Variants in PROM1 observed in about 807,000 individuals in gnomAD.
PROM1 encodes the protein prominin 1.
A neutral mutation model predicts 116.9 loss-of-function variants in PROM1; 105 were observed. The ratio of observed to expected loss-of-function variants is 0.90; its 90% CI spans 0.77 to 1.06. The LOEUF is 1.06. PROM1 is among the 50% of genes least tolerant of loss of function. PROM1 has a pLI of 0.00. For missense variants in PROM1, 1,122 were observed against 1,045.2 expected, an observed-to-expected ratio of 1.07 and a Z score of -1.01; for synonymous variants, 393 against 387.0, an observed-to-expected ratio of 1.02 and a Z score of -0.18.
intron 5 of PROM1, among the ~76,000 whole-genome samples, chr4:16,031,418 T>C (rs913261027): frequency 1.3e-5 from 2 of 151,982 alleles, no homozygotes; most frequent in African/African-American, 4.8e-5. Context: ...TTCTGGTAGC[T>C]GAAAAAGAGG....
intron 3 of PROM1, among the ~76,000 whole-genome samples, chr4:16,036,293 C>A (rs1307080847): frequency 6.6e-6 from 1 of 152,136 alleles, no homozygotes; most frequent in African/African-American, 2.4e-5. Context: ...GGCTCTATGT[C>A]ATTTTCTAGA....
In PROM1 at chr4:16,075,772, G is replaced by A. The variant is rs1308033392; in HGVS notation, c.135C>T (p.Asp45=). 1.2e-6 allele frequency: 2 copies of A among 1,613,732 alleles called. No homozygotes were observed. The highest frequency in any genetic ancestry group is 3.3e-5 in the Admixed American group (2 of 59,988). The stretch of plus-strand genomic sequence containing the variant: ...TGCCAATGGGTCCAGCTTTATGGGA[G>A]TCTTGGGTCTCATAATTTGTTGCAG... ...ELPATNYETQ[D]SHKAGPIGIL... The change falls in exon 2 of 28, where the codon GAC becomes GAT. Residue 45 remains aspartate (D), a synonymous_variant. Transcript: ENST00000447510.
chr4:16,039,121 A>C (rs1734604578), intron 2 of PROM1, 120 bp from the exon 3 acceptor site: 1 of 801,382 alleles, frequency 1.2e-6, no homozygotes, highest in Admixed American at 4.4e-5. Flanking sequence ...TTATTCTTAT[A>C]ATTTTATTCT....
rs1475001974 is a variant in PROM1, at chr4:15,968,276, A to G, written c.*1117T>C. ...CAAATGAATCAGAACTGCAATCTGC[A>G]CATGAAAAGACCTGGGGGGAATGCC... On this transcript the variant is annotated 3_prime_UTR_variant, in exon 28 of 28. Transcript: ENST00000447510. 1.3e-5 allele frequency: 2 copies of G among 152,262 alleles called. No homozygotes were observed. The highest frequency in any genetic ancestry group is 2.9e-5 in the Non-Finnish European group (2 of 68,046). 9.4% of individuals were successfully genotyped at this position (152,262 alleles called of 1,614,324 possible).
intron 16 of PROM1, among the ~76,000 whole-genome samples, chr4:15,993,269 A>G (rs1385523912): frequency 6.6e-6 from 1 of 152,168 alleles, no homozygotes; most frequent in Non-Finnish European, 1.5e-5. Flanking sequence ...CTCATTCTGG[A>G]AACCCAAAAG....
intron 3 of PROM1, among the ~76,000 whole-genome samples, chr4:16,037,812 G>A (rs1367482030): frequency 2.0e-5 from 3 of 152,170 alleles, no homozygotes; most frequent in Non-Finnish European, 4.4e-5. Flanking sequence ...CACCAAAATC[G>A]AAAGACCATT....
At chr4:16,040,366 G>A (rs1012829004) in intron 2 of PROM1, among the ~76,000 whole-genome samples, 1 of 152,146 alleles carries the variant, frequency 6.6e-6, no homozygotes, top group African/African-American at 2.4e-5. Flanking sequence ...GGGACACTGA[G>A]GCTGTCTAAT....
intron 6 of PROM1, 120 bp from the exon 7 acceptor site, chr4:16,024,478 G>T (rs1730734902): frequency 2.6e-6 from 2 of 768,194 alleles, no homozygotes; most frequent in Non-Finnish European, 4.1e-6. Flanking sequence ...TAACCAGCAA[G>T]TTCCTAGAAA....
chr4:16,018,378 C>T lies in PROM1; in HGVS notation c.947G>A (p.Cys316Tyr), dbSNP rs1379559534. ...GCTTAGAGACAATCTGATGCTGTTG[C>T]AGGTTTCACTTGATGGATGCACCAA... is the stretch of plus-strand genomic sequence containing the variant. ...LCLVHPSSET[C>Y]NSIRLSLSQL... is the part of the protein sequence containing the mutation. The change falls in exon 9 of 28, where the codon TGC becomes TAC. Residue 316 changes from cysteine to tyrosine, a missense_variant. By Grantham distance (194) the Cys-to-Tyr change is radical. Coordinates refer to ENST00000447510, the MANE Select transcript of PROM1 (RefSeq NM_006017.3). 6.2e-7 allele frequency: 1 copy of T among 1,613,658 alleles called. No individual in the cohort carries two copies. The highest frequency in any genetic ancestry group is 1.7e-5 in the Admixed American group (1 of 60,002).
rs1560532577 is a variant in PROM1, at chr4:16,033,284, T to A, written c.509+20A>T. 1 of 1,580,736 alleles carries A rather than the reference T, an allele frequency of 6.3e-7. No individual in the cohort carries two copies. The highest frequency in any genetic ancestry group is 8.7e-7 in the Non-Finnish European group (1 of 1,155,412). ...CATCAGCCTAAAACACAATCAGTTG[T>A]TGTCCAATATTGTACTTGCCTTATT... On this transcript the variant is annotated intron_variant, in intron 5 of 27. Coordinates refer to ENST00000447510, the MANE Select transcript of PROM1 (RefSeq NM_006017.3).
chr4:16,018,459 C>A lies in PROM1; in HGVS notation c.866G>T (p.Ser289Ile). The A allele has an allele frequency of 6.2e-7, 1 of 1,613,608 alleles. No individual in the cohort carries two copies. The highest frequency in any genetic ancestry group is 8.5e-7 in the Non-Finnish European group (1 of 1,179,868). Reference protein sequence around the residue: ...SLHQQSTQLSSSLTSVKTSLR... With the variant: ...SLHQQSTQLSISLTSVKTSLR... Reference sequence around the variant, plus strand: ...GCTAGTTTTCACGCTGGTCAGACTGCTGCTAAGCTGTGTACTTTGTTGGTG... The same window carrying A: ...GCTAGTTTTCACGCTGGTCAGACTGATGCTAAGCTGTGTACTTTGTTGGTG... Residue 289 changes from serine (S) to isoleucine (I), a missense_variant, in exon 9 of 28, where the codon AGC becomes ATC. Physicochemically the swap from Ser to Ile is moderately radical, Grantham distance 142. Coordinates refer to ENST00000447510, the MANE Select transcript of PROM1 (RefSeq NM_006017.3).
At chr4:15,998,139 G>C (rs1722798780) in intron 15 of PROM1, among the ~76,000 whole-genome samples, 2 of 152,312 alleles carry the variant, frequency 1.3e-5, no homozygotes, top group Admixed American at 6.5e-5. Context: ...ACCTTAACTA[G>C]TGAGTTCCAG....
Position 16,000,567 on chromosome 4 carries a change from G to C in PROM1, c.1507C>G (p.Leu503Val). Residue 503 changes from leucine (L) to valine (V), a missense_variant, in exon 14 of 28, where the codon CTT (leucine) becomes GTT (valine). By Grantham distance (32) the Leu-to-Val change is conservative. Coordinates refer to ENST00000447510, the MANE Select transcript of PROM1 (RefSeq NM_006017.3). Reference sequence around the variant, plus strand: ...ACATTTGCACCAAAGACAAAGGTAAGAACCACAATGATCATCAATATCCAG... The same window carrying C: ...ACATTTGCACCAAAGACAAAGGTAACAACCACAATGATCATCAATATCCAG... ...FCWILMIIVV[L>V]TFVFGANVEK... 1 of 1,588,410 alleles carries C rather than the reference G, an allele frequency of 6.3e-7. No individual in the cohort carries two copies.
At chr4:16,064,490 G>A (rs757857915) in intron 2 of PROM1, among the ~76,000 whole-genome samples, 4 of 152,172 alleles carry the variant, frequency 2.6e-5, no homozygotes, top group Admixed American at 1.3e-4. Flanking sequence ...TCCTCCGTGG[G>A]ATGGTTCTTT....
intron 6 of PROM1, among the ~76,000 whole-genome samples, chr4:16,024,585 TTCA>T (rs2149338358): frequency 6.6e-6 from 1 of 152,280 alleles, no homozygotes; most frequent in Non-Finnish European, 1.5e-5. Flanking sequence ...GAATAGGTAA[TTCA>T]TCAACATACT....
chr4:15,993,836 G>A, intron 16 of PROM1, 151 bp downstream of exon 16: 32 of 1,394,484 alleles, frequency 2.3e-5, no homozygotes, highest in Non-Finnish European at 3.0e-5. Context: ...AGAGGTGAAG[G>A]TTACACAGCC....
At chr4:15,983,231 T>A (rs778144058) in intron 23 of PROM1, among the ~76,000 whole-genome samples, 1 of 152,022 alleles carries the variant, frequency 6.6e-6, no homozygotes, top group African/African-American at 2.4e-5. Flanking sequence ...AAAAAAGACA[T>A]GTTTGAGCTA....
chr4:16,000,402 T>C, intron 14 of PROM1, 94 bp downstream of exon 14: 2 of 1,102,450 alleles, frequency 1.8e-6, no homozygotes, highest in South Asian at 3.1e-5. Flanking sequence ...AAACTGCTTA[T>C]AAGTTTGCAC....
chr4:16,041,682 G>A (rs1028922898), intron 2 of PROM1, among the ~76,000 whole-genome samples: 3 of 151,618 alleles, frequency 2.0e-5, no homozygotes, highest in African/African-American at 7.3e-5. Flanking sequence ...TTGAGCCCAG[G>A]AGTTCAACTA....
Sources: gnomAD v4.1 joint callset for allele counts (sites outside exome capture counted in the v4.1 genomes callset) on GRCh38, gnomAD v4.1.1 for gene constraint, MANE v1.5 for transcripts, NCBI Gene and HGNC (gene_info 2026-07-23, HGNC 2026-07-21) for gene names.